Variants in CDC16 observed in about 807,000 individuals in gnomAD.
CDC16 encodes cell division cycle 16.
CDC16 carries 34 observed loss-of-function variants against 87.0 expected under a neutral mutation model. That is an observed-to-expected ratio of 0.39 (90% confidence interval 0.30 to 0.52). The LOEUF (loss-of-function observed/expected upper bound fraction) is 0.52, where lower values mean the gene tolerates loss of function less well. Ranked by LOEUF, CDC16 falls within the 20% of genes least tolerant of loss-of-function variation. The probability of loss-of-function intolerance (pLI) is 0.74; values close to 1 mark genes in which losing one functional copy is unlikely to be tolerated. For synonymous variants in CDC16, 263 were observed against 260.6 expected (o/e 1.01, Z -0.09); for missense variants, 653 against 751.9 (o/e 0.87, Z 1.54).
rs369529581 is a variant in CDC16, at chr13:114,272,169, A to G, written c.1604-15A>G. Reference sequence around the variant, plus strand: ...GAATTTCTTATTTTATTCTAATTATAGTATTTCTTTTTAGGAGCAGACATT... The same window carrying G: ...GAATTTCTTATTTTATTCTAATTATGGTATTTCTTTTTAGGAGCAGACATT... On this transcript the variant is annotated splice_polypyrimidine_tract_variant and intron_variant, in intron 17 of 17. Coordinates refer to ENST00000356221, the MANE Select transcript of CDC16 (RefSeq NM_001078645.3). The G allele has an allele frequency of 6.3e-5, 85 of 1,354,436 alleles. No individual in the cohort carries two copies. The highest frequency in any genetic ancestry group is 8.2e-5 in the Non-Finnish European group (80 of 976,606). The allele number at this position is 1,354,436 out of a possible 1,614,324, so 83.9% of individuals were successfully genotyped here. A position where few individuals can be genotyped will look rare whatever the true frequency, so the allele number is the denominator to read the frequency against.
Position 114,272,349 on chromosome 13 carries a change from C to T in CDC16, c.1769C>T (p.Pro590Leu), listed in dbSNP as rs1431347391. The T allele has an allele frequency of 1.2e-6, 2 of 1,613,926 alleles. No individual in the cohort carries two copies. The highest frequency in any genetic ancestry group is 1.7e-6 in the Non-Finnish European group (2 of 1,179,874). ...CCATTGGAAACCTCAAGGAAAACTC[C>T]AGATTCCAGACCTTCCTTGGAAGAA... ...LTPLETSRKTPDSRPSLEETF... is the reference protein window; with the variant it reads ...LTPLETSRKTLDSRPSLEETF... Residue 590 changes from proline to leucine, a missense_variant, in exon 18 of 18, where the codon CCA becomes CTA. Coordinates refer to ENST00000356221, the MANE Select transcript of CDC16 (RefSeq NM_001078645.3).
At chr13:114,244,057 G>T in intron 8 of CDC16, 68 bp downstream of exon 8, 1 of 1,086,924 alleles carries the variant, frequency 9.2e-7, no homozygotes, top group Admixed American at 2.0e-5. Flanking sequence ...GTGATTCACG[G>T]ACGTGCTCTC....
At chr13:114,242,968 G>T (rs2081633268) in intron 6 of CDC16, among the ~76,000 whole-genome samples, 1 of 152,144 alleles carries the variant, frequency 6.6e-6, no homozygotes, top group Non-Finnish European at 1.5e-5. Flanking sequence ...CCTGTTCCCA[G>T]CAGAGCAAGA....
intron 17 of CDC16, among the ~76,000 whole-genome samples, chr13:114,270,487 T>A (rs1366823029): frequency 6.6e-6 from 1 of 152,144 alleles, no homozygotes; most frequent in Admixed American, 6.5e-5. Context: ...CAATTAGTAA[T>A]GAACAAAACT....
intron 12 of CDC16, among the ~76,000 whole-genome samples, chr13:114,254,583 C>G (rs1464883879): frequency 6.6e-6 from 1 of 152,146 alleles, no homozygotes; most frequent in African/African-American, 2.4e-5. Flanking sequence ...CAGCACAGAT[C>G]TGTTATTATT....
intron 3 of CDC16, among the ~76,000 whole-genome samples, chr13:114,237,557 G>A (rs1252626641): frequency 6.6e-6 from 1 of 152,084 alleles, no homozygotes; most frequent in Non-Finnish European, 1.5e-5. Flanking sequence ...CTCCCAAAGT[G>A]CTGGGATTAT....
Position 114,243,318 on chromosome 13 carries a change from G to C in CDC16, c.603G>C (p.Leu201=), listed in dbSNP as rs779447824. The change falls in exon 7 of 18, where the codon CTG becomes CTC. Residue 201 remains leucine, a synonymous_variant. Coordinates refer to ENST00000356221, the MANE Select transcript of CDC16 (RefSeq NM_001078645.3). ...SKLCNEEQEL[L]RFLFENKLKK... The stretch of plus-strand genomic sequence containing the variant: ...TGTGTAATGAAGAACAGGAATTGCT[G>C]CGTTTTCTATTTGAGAACAAATTGA... The C allele has an allele frequency of 3.8e-6, 6 of 1,583,868 alleles. No individual in the cohort carries two copies. Among genetic ancestry groups the C allele is most frequent in the Non-Finnish European group, 5.2e-6 (6 of 1,152,964 alleles).
At chr13:114,243,108 G>T (rs2081642693) in intron 6 of CDC16, 149 bp from the exon 7 acceptor site, 4 of 554,688 alleles carry the variant, frequency 7.2e-6, no homozygotes, top group Non-Finnish European at 1.3e-5. Context: ...GAGCCACTGT[G>T]TCAGCTTCTG....
chr13:114,255,017 A>G (rs920807029), intron 12 of CDC16, among the ~76,000 whole-genome samples: 3 of 152,178 alleles, frequency 2.0e-5, no homozygotes, highest in African/African-American at 7.2e-5. Flanking sequence ...TCTTTCAACC[A>G]ATCAGAAAAA....
chr13:114,265,087 T>G, intron 16 of CDC16, 63 bp from the exon 17 acceptor site: 1 of 1,161,688 alleles, frequency 8.6e-7, no homozygotes, highest in Non-Finnish European at 1.3e-6. Flanking sequence ...TTGAAATGAA[T>G]CAGTGTGGTA....
At chr13:114,257,791 GT>G (rs2082599755) in intron 13 of CDC16, among the ~76,000 whole-genome samples, 1 of 151,820 alleles carries the variant, frequency 6.6e-6, no homozygotes, top group Non-Finnish European at 1.5e-5. Context: ...TTTGGTTTTT[GT>G]TTTTGTTTTT....
intron 11 of CDC16, chr13:114,247,256 C>A: frequency 2.3e-6 from 1 of 431,154 alleles, no homozygotes; most frequent in Non-Finnish European, 4.2e-6. Flanking sequence ...TAGCTCACCT[C>A]AAACTCAAAT....
chr13:114,262,283 T>C (rs1238269313), intron 15 of CDC16, among the ~76,000 whole-genome samples: 2 of 152,180 alleles, frequency 1.3e-5, no homozygotes, highest in African/African-American at 4.8e-5. Context: ...AGTTGAAAAA[T>C]GGGTTTTTTG....
chr13:114,263,107 A>C, intron 16 of CDC16, 93 bp downstream of exon 16: 1 of 1,131,190 alleles, frequency 8.8e-7, no homozygotes, highest in Non-Finnish European at 1.3e-6. Flanking sequence ...TTGACTTACT[A>C]TTTTAATATT....
Position 114,238,992 on chromosome 13 carries a change from G to T in CDC16, c.204G>T (p.Leu68Phe). Residue 68 changes from leucine (L) to phenylalanine (F), a missense_variant and splice_region_variant, in exon 4 of 18, where the codon TTG becomes TTT. Leu to Phe is a conservative substitution (Grantham distance 22). Coordinates refer to ENST00000356221, the MANE Select transcript of CDC16 (RefSeq NM_001078645.3). ...HALRSRKLDK[L>F]YEACRYLAAR... ...AAACAAATTAATTTCTTTCCTAGTT[G>T]TATGAAGCATGTCGTTACCTTGCAG... The T allele has an allele frequency of 1.2e-6, 2 of 1,610,878 alleles. No homozygotes were observed. Among genetic ancestry groups the T allele is most frequent in the South Asian group, 2.2e-5 (2 of 90,544 alleles).
chr13:114,240,022 AT>A (rs2081466567), intron 5 of CDC16, among the ~76,000 whole-genome samples: 1 of 150,558 alleles, frequency 6.6e-6, no homozygotes, highest in Non-Finnish European at 1.5e-5. Flanking sequence ...AAAAAAAAAA[AT>A]AAAAACTTAT....
chr13:114,257,986 C>A (rs915992858), intron 13 of CDC16, among the ~76,000 whole-genome samples: 4 of 151,978 alleles, frequency 2.6e-5, no homozygotes, highest in African/African-American at 9.7e-5. Context: ...AGGGTTTCAC[C>A]ATGTTGGTCA....
At chr13:114,236,978 G>T in intron 3 of CDC16, 82 bp downstream of exon 3, 1 of 828,614 alleles carries the variant, frequency 1.2e-6, no homozygotes, top group Non-Finnish European at 1.8e-6. Context: ...GCTTACACCT[G>T]TAATCCCAGC....
chr13:114,254,118 C>T (rs1447228692), intron 12 of CDC16, among the ~76,000 whole-genome samples: 2 of 152,148 alleles, frequency 1.3e-5, no homozygotes, highest in Non-Finnish European at 1.5e-5. Context: ...GGCACACCAG[C>T]TCTCTTTTGT....
Sources: gnomAD v4.1 joint callset for allele counts (sites outside exome capture counted in the v4.1 genomes callset) on GRCh38, gnomAD v4.1.1 for gene constraint, MANE v1.5 for transcripts, NCBI Gene and HGNC (gene_info 2026-07-23, HGNC 2026-07-21) for gene names.